The following SMCO4 variants were observed in gnomAD, a reference collection of about 807,000 sequenced individuals.
SMCO4 encodes the protein single-pass membrane protein with coiled-coil domains 4.
SMCO4 carries 4 observed loss-of-function variants against 3.6 expected under a neutral mutation model. The observed-to-expected ratio is 1.11, with a 90% confidence interval of 0.54 to 2.53. The LOEUF is 2.53. Ranked by LOEUF, SMCO4 falls within the 30% of genes most tolerant of loss-of-function variation. The pLI, the probability that SMCO4 is intolerant of heterozygous loss-of-function variation, is 0.02. For synonymous variants in SMCO4, 36 were observed against 35.3 expected, an observed-to-expected ratio of 1.02 and a Z score of -0.07; for missense variants, 70 against 80.8, an observed-to-expected ratio of 0.87 and a Z score of 0.51.
At chr11:93,486,843 T>A (rs566967535) in intron 2 of SMCO4, among the ~76,000 whole-genome samples, 1 of 152,336 alleles carries the variant, frequency 6.6e-6, no homozygotes, top group Non-Finnish European at 1.5e-5. Context: ...CTATTCTCAA[T>A]GCTGTTCTCC....
intron 1 of SMCO4, among the ~76,000 whole-genome samples, chr11:93,511,145 C>G (rs917810747): frequency 1.3e-5 from 2 of 151,956 alleles, no homozygotes; most frequent in African/African-American, 4.8e-5. Context: ...TTTGACCCAC[C>G]CACAGAAATA....
the SMCO4 span, among the ~76,000 whole-genome samples, chr11:93,551,532 A>C: frequency 6.6e-6 from 1 of 152,080 alleles, no homozygotes; most frequent in East Asian, 1.9e-4. Context: ...TCTCTATCCA[A>C]CCCACACTCT....
At chr11:93,490,052 T>C (rs2605605) in intron 2 of SMCO4, among the ~76,000 whole-genome samples, 105,184 of 152,070 alleles carry the variant, frequency 0.69, 36,853 homozygotes, top group East Asian at 0.99. Flanking sequence ...GCAAAGGAGG[T>C]TCCTCCTGCC....
At chr11:93,552,866 C>G in the SMCO4 span, among the ~76,000 whole-genome samples, 1 of 152,050 alleles carries the variant, frequency 6.6e-6, no homozygotes, top group Non-Finnish European at 1.5e-5. Flanking sequence ...CCTCAAATTC[C>G]TTTTAGGAAA....
At chr11:93,484,118 AC>A (rs1381889150) in intron 2 of SMCO4, among the ~76,000 whole-genome samples, 4 of 151,644 alleles carry the variant, frequency 2.6e-5, no homozygotes, top group African/African-American at 7.3e-5. Context: ...CTATGCTCCT[AC>A]CCCCCACCAG....
intron 1 of SMCO4, among the ~76,000 whole-genome samples, chr11:93,536,682 G>A (rs1276577651): frequency 6.6e-6 from 1 of 152,186 alleles, no homozygotes; most frequent in African/African-American, 2.4e-5. Context: ...GGGGAGGGGT[G>A]CTGGGTGAAG....
At chr11:93,547,372 G>T (rs1340017714), upstream of SMCO4, among the ~76,000 whole-genome samples, 2 of 152,172 alleles carry the variant, frequency 1.3e-5, no homozygotes, top group South Asian at 2.1e-4. Flanking sequence ...AGTTGATCAA[G>T]GATAACAAAA....
chr11:93,490,843 G>C (rs183630598), intron 2 of SMCO4, among the ~76,000 whole-genome samples: 1 of 152,208 alleles, frequency 6.6e-6, no homozygotes, highest in Non-Finnish European at 1.5e-5. Context: ...TCTATCTCCC[G>C]GAGAAACCAA....
At chr11:93,512,931 G>C (rs543122024) in intron 1 of SMCO4, among the ~76,000 whole-genome samples, 3 of 152,332 alleles carry the variant, frequency 2.0e-5, no homozygotes, top group South Asian at 4.1e-4. Context: ...AAGGCCCTGA[G>C]GTGTTTCAAA....
At chr11:93,497,211 TCA>T (rs1047875155) in intron 2 of SMCO4, among the ~76,000 whole-genome samples, 7 of 152,190 alleles carry the variant, frequency 4.6e-5, no homozygotes, top group African/African-American at 1.4e-4. Context: ...TTTTTAAAAA[TCA>T]CAGTTAACTA....
upstream of SMCO4, among the ~76,000 whole-genome samples, chr11:93,544,267 AC>A (rs1439732819): frequency 1.3e-5 from 2 of 152,220 alleles, no homozygotes; most frequent in African/African-American, 4.8e-5. Flanking sequence ...TTGTATTACT[AC>A]TGATGCAGTA....
intron 1 of SMCO4, among the ~76,000 whole-genome samples, chr11:93,518,324 G>C (rs1344887588): frequency 6.6e-6 from 1 of 152,160 alleles, no homozygotes. Flanking sequence ...TACAGATATG[G>C]AGATACCACA....
intron 1 of SMCO4, among the ~76,000 whole-genome samples, chr11:93,521,228 A>T (rs1949055668): frequency 6.6e-6 from 1 of 152,208 alleles, no homozygotes; most frequent in South Asian, 2.1e-4. Context: ...TTAGAGCTAC[A>T]AGTTTAGATC....
At chr11:93,543,411 C>T (rs1205622469), upstream of SMCO4, 1 of 152,092 alleles carries the variant, frequency 6.6e-6, no homozygotes, top group Non-Finnish European at 1.5e-5. Context: ...GACCGCAGCG[C>T]CAGGCGCCCT....
intron 1 of SMCO4, among the ~76,000 whole-genome samples, chr11:93,505,767 C>T (rs1233412358): frequency 2.0e-5 from 3 of 152,068 alleles, no homozygotes; most frequent in Non-Finnish European, 4.4e-5. Flanking sequence ...TTACTGATAT[C>T]ACAGAGAACC....
At chr11:93,549,101 G>A in the SMCO4 span, among the ~76,000 whole-genome samples, 1 of 152,134 alleles carries the variant, frequency 6.6e-6, no homozygotes, top group East Asian at 1.9e-4. Context: ...CTATTCCCCT[G>A]CCTTATGGTC....
At chr11:93,481,815 G>A (rs568965190) in intron 2 of SMCO4, among the ~76,000 whole-genome samples, 1 of 152,342 alleles carries the variant, frequency 6.6e-6, no homozygotes, top group South Asian at 2.1e-4. Flanking sequence ...TGGCCTGTCG[G>A]AGCCCGCTGC....
chr11:93,550,292 T>C, the SMCO4 span, among the ~76,000 whole-genome samples: 19 of 152,066 alleles, frequency 1.2e-4, no homozygotes, highest in Non-Finnish European at 2.6e-4. Flanking sequence ...TCTAACTCCT[T>C]TCAGAATTTT....
At chr11:93,539,306 T>C (rs1591332165) in intron 1 of SMCO4, among the ~76,000 whole-genome samples, 1 of 147,518 alleles carries the variant, frequency 6.8e-6, no homozygotes, top group Non-Finnish European at 1.5e-5. Context: ...AAATGAAGGG[T>C]CATAAATTTA....
Sources: gnomAD v4.1 joint callset for allele counts (sites outside exome capture counted in the v4.1 genomes callset) on GRCh38, gnomAD v4.1.1 for gene constraint, MANE v1.5 for transcripts, NCBI Gene and HGNC (gene_info 2026-07-23, HGNC 2026-07-21) for gene names.